GABRA2: variants seen among roughly 807,000 people sequenced by gnomAD.
GABRA2 encodes the protein gamma-aminobutyric acid receptor subunit alpha-2.
In GABRA2, 16 loss-of-function variants were observed where a neutral mutation model predicts 48.7. That is an observed-to-expected ratio of 0.33 (90% confidence interval 0.22 to 0.50). GABRA2 has a LOEUF of 0.50. GABRA2 is among the 20% of genes least tolerant of loss of function. GABRA2 has a pLI of 0.98. For missense variants in GABRA2, 275 were observed against 535.6 expected (o/e 0.51, Z 4.80); for synonymous variants, 185 against 184.5 (o/e 1.00, Z -0.02).
chr4:46,366,899 T>C (rs1311841754), intron 3 of GABRA2: 1 of 152,134 alleles, frequency 6.6e-6, no homozygotes, highest in African/African-American at 2.4e-5. Context: ...GTTCTTGTTT[T>C]TGTCTCTATC....
At chr4:46,293,706 G>A (rs1251177400) in intron 8 of GABRA2, among the ~76,000 whole-genome samples, 10 of 152,164 alleles carry the variant, frequency 6.6e-5, no homozygotes, top group Admixed American at 6.5e-4. Flanking sequence ...AAGACGAAAT[G>A]TAAGCCATTA....
chr4:46,383,302 A>T (rs1166225637), intron 3 of GABRA2, among the ~76,000 whole-genome samples: 1 of 152,190 alleles, frequency 6.6e-6, no homozygotes. Context: ...CACACTGCTT[A>T]GCCCCAGAAC....
At chr4:46,256,103 C>A in intron 9 of GABRA2, 1 of 442,140 alleles carries the variant, frequency 2.3e-6, no homozygotes, top group Non-Finnish European at 4.0e-6. Context: ...CTAGAAAGCT[C>A]ATTACTTGTA....
intron 4 of GABRA2, among the ~76,000 whole-genome samples, chr4:46,318,122 A>T (rs561772489): frequency 9.9e-5 from 15 of 151,574 alleles, no homozygotes; most frequent in Non-Finnish European, 1.8e-4. Context: ...CTGCAACATA[A>T]TCTATTTAAG....
At chr4:46,328,202 C>A (rs968308955) in intron 4 of GABRA2, among the ~76,000 whole-genome samples, 1 of 151,702 alleles carries the variant, frequency 6.6e-6, no homozygotes, top group African/African-American at 2.4e-5. Flanking sequence ...AAAGTAGAAT[C>A]TTTAATTATA....
chr4:46,349,873 T>C (rs930794668), intron 3 of GABRA2, among the ~76,000 whole-genome samples: 3 of 151,878 alleles, frequency 2.0e-5, no homozygotes, highest in African/African-American at 4.8e-5. Flanking sequence ...TGTATGTATA[T>C]TGGAAAATAT....
chr4:46,387,425 C>T (rs1034235919), intron 2 of GABRA2, among the ~76,000 whole-genome samples: 5 of 152,174 alleles, frequency 3.3e-5, no homozygotes, highest in Non-Finnish European at 7.4e-5. Flanking sequence ...AACTGGTAAC[C>T]AACTTCAAAC....
chr4:46,267,571 G>A (rs974369593), intron 8 of GABRA2, among the ~76,000 whole-genome samples: 10 of 151,860 alleles, frequency 6.6e-5, no homozygotes, highest in Non-Finnish European at 1.2e-4. Context: ...CTGTAATGTG[G>A]CAAATCTGGA....
chr4:46,360,600 A>T (rs1045428420), intron 3 of GABRA2, among the ~76,000 whole-genome samples: 7 of 152,194 alleles, frequency 4.6e-5, no homozygotes, highest in Non-Finnish European at 1.0e-4. Flanking sequence ...AAAATGGACT[A>T]ATACAGTAAA....
intron 9 of GABRA2, among the ~76,000 whole-genome samples, chr4:46,256,897 T>C (rs1715945734): frequency 6.6e-6 from 1 of 151,692 alleles, no homozygotes; most frequent in African/African-American, 2.4e-5. Context: ...CATATTTTGT[T>C]CCTACGTCTA....
At chr4:46,302,860 T>G (rs1725985290) in intron 8 of GABRA2, among the ~76,000 whole-genome samples, 1 of 152,198 alleles carries the variant, frequency 6.6e-6, no homozygotes, top group Admixed American at 6.5e-5. Context: ...ACCCTCTTTC[T>G]TGTTCTTCTT....
At chr4:46,286,730 T>C (rs1293104724) in intron 8 of GABRA2, among the ~76,000 whole-genome samples, 1 of 152,198 alleles carries the variant, frequency 6.6e-6, no homozygotes, top group Non-Finnish European at 1.5e-5. Flanking sequence ...TGTGCTTATA[T>C]GTCAGTTGTA....
At chr4:46,341,345 A>T (rs143357688) in intron 3 of GABRA2, among the ~76,000 whole-genome samples, 6 of 151,980 alleles carry the variant, frequency 3.9e-5, no homozygotes, top group Admixed American at 6.6e-5. Flanking sequence ...CTATATGATA[A>T]CTCTAAAGAT....
At position 46,286,093 on chromosome 4, in the gene GABRA2, T is replaced by C. The variant is rs544774903; in HGVS notation, c.856+17367A>G. 3.9e-5 allele frequency among the ~76,000 whole-genome samples: 6 copies of C among 152,170 alleles called. No homozygotes were observed. The South Asian group carries it at 1.0e-3, about 26-fold the overall frequency. On this transcript the variant is annotated intron_variant, in intron 8 of 9. Transcript: ENST00000381620. ...ATCCCAGAAGGATACTCTGTCTCTA[T>C]TAAGTAATCACTCTCCATTTATTCC...
chr4:46,373,320 C>G (rs1715224249), intron 3 of GABRA2, among the ~76,000 whole-genome samples: 1 of 152,124 alleles, frequency 6.6e-6, no homozygotes, highest in African/African-American at 2.4e-5. Context: ...ATCAATTTGG[C>G]AGCAGCCAAA....
chr4:46,364,295 A>T (rs2109971731), intron 3 of GABRA2: 1 of 152,360 alleles, frequency 6.6e-6, no homozygotes, highest in Admixed American at 6.5e-5. Flanking sequence ...GGTAGGTGTA[A>T]AGTACACTAT....
chr4:46,332,931 G>A (rs540175964), intron 3 of GABRA2, among the ~76,000 whole-genome samples: 22 of 152,096 alleles, frequency 1.4e-4, no homozygotes, highest in Admixed American at 1.3e-4. Context: ...CCTGATTAGC[G>A]CATCCTCATT....
At chr4:46,305,304 T>A (rs111614972) in intron 7 of GABRA2, among the ~76,000 whole-genome samples, 2 of 149,732 alleles carry the variant, frequency 1.3e-5, no homozygotes, top group South Asian at 4.3e-4. Flanking sequence ...AGGAGATATA[T>A]CTAATATTAA....
At chr4:46,321,014 A>T (rs1729358826) in intron 4 of GABRA2, among the ~76,000 whole-genome samples, 1 of 151,974 alleles carries the variant, frequency 6.6e-6, no homozygotes, top group Non-Finnish European at 1.5e-5. Flanking sequence ...ATTTAAACAT[A>T]ATATATATGT....
Sources: allele counts gnomAD v4.1 joint callset (sites outside exome capture counted in the v4.1 genomes callset), GRCh38; gene constraint gnomAD v4.1.1; transcripts MANE v1.5; gene names NCBI Gene and HGNC (gene_info 2026-07-23, HGNC 2026-07-21).